The following SYN2 variants were observed in gnomAD, a reference collection of about 807,000 sequenced individuals.
SYN2 encodes the protein synapsin II, also known as synapsin-2.
Under a neutral mutation model 50.9 loss-of-function variants are expected in SYN2, and 19 were observed. That is an observed-to-expected ratio of 0.37 (90% confidence interval 0.26 to 0.55). The LOEUF (loss-of-function observed/expected upper bound fraction) is 0.55. Ranked by LOEUF, SYN2 falls within the 20% of genes least tolerant of loss-of-function variation. The probability of loss-of-function intolerance (pLI) is 0.81; values close to 1 mark genes in which losing one functional copy is unlikely to be tolerated. For synonymous variants in SYN2, 255 were observed against 224.9 expected, an observed-to-expected ratio of 1.13 and a Z score of -1.20; for missense variants, 587 against 576.4, an observed-to-expected ratio of 1.02 and a Z score of -0.19.
chr3:12,148,020 G>A (rs1185553659), intron 4 of SYN2, among the ~76,000 whole-genome samples: 3 of 152,038 alleles, frequency 2.0e-5, no homozygotes, highest in Non-Finnish European at 2.9e-5. Context: ...TGGCTGAGGC[G>A]GGAGAATGGC....
intron 1 of SYN2, chr3:12,070,456 G>A (rs1240125605): frequency 6.9e-6 from 4 of 576,966 alleles, no homozygotes; most frequent in Non-Finnish European, 1.0e-5. Context: ...ATTGAGCGTG[G>A]CATCGTCATC....
At chr3:12,163,241 C>CAAAAAAAAAA (rs11404808) in intron 7 of SYN2, among the ~76,000 whole-genome samples, 20 of 122,562 alleles carry the variant, frequency 1.6e-4, no homozygotes, top group African/African-American at 6.0e-4. Flanking sequence ...GACTCTGTCT[C>CAAAAAAAAAA]AAAAAAAAAA....
chr3:12,040,598 A>G (rs559402191), intron 1 of SYN2, among the ~76,000 whole-genome samples: 80 of 151,916 alleles, frequency 5.3e-4, no homozygotes, highest in African/African-American at 1.4e-3. Context: ...ACACCCGGCT[A>G]ATTTTTTGTA....
intron 10 of SYN2, among the ~76,000 whole-genome samples, chr3:12,176,714 CTA>C (rs1459346935): frequency 5.9e-5 from 9 of 152,166 alleles, no homozygotes; most frequent in Non-Finnish European, 8.8e-5. Context: ...TTTGGCAAAT[CTA>C]TGTTATGAGT....
intron 1 of SYN2, among the ~76,000 whole-genome samples, chr3:12,060,241 G>GA (rs1188301241): frequency 6.6e-6 from 1 of 152,142 alleles, no homozygotes; most frequent in Non-Finnish European, 1.5e-5. Context: ...TTACTTTTAG[G>GA]AACCCCACAG....
At chr3:12,038,735 A>G (rs1186584466) in intron 1 of SYN2, among the ~76,000 whole-genome samples, 1 of 152,118 alleles carries the variant, frequency 6.6e-6, no homozygotes, top group Non-Finnish European at 1.5e-5. Context: ...TAGAAATACA[A>G]TTGATTTTTG....
Position 12,141,928 on chromosome 3 carries a change from G to A in SYN2, c.459G>A (p.Leu153=), listed in dbSNP as rs1697027547. The change falls in exon 3 of 13, where the codon CTG becomes CTA. Residue 153 remains leucine (L), a synonymous_variant. Coordinates refer to ENST00000621198, the MANE Select transcript of SYN2 (RefSeq NM_133625.6). ...VEQAEFSELN[L]VAHADGTYAV... ...AGGCAGAATTTTCAGAGCTCAACCT[G>A]GTGGCCCATGCAGATGGCACCTATG... 1 of 780,700 alleles carries A rather than the reference G, an allele frequency of 1.3e-6. No homozygotes were observed. Among genetic ancestry groups the A allele is most frequent in the African/African-American group, 1.7e-5 (1 of 59,128 alleles). 48.4% of individuals were successfully genotyped at this position (780,700 alleles called of 1,614,324 possible). A position where few individuals can be genotyped will look rare whatever the true frequency, so the allele number is the denominator to read the frequency against.
chr3:12,081,446 A>G (rs1032085024), intron 1 of SYN2, among the ~76,000 whole-genome samples: 3 of 151,938 alleles, frequency 2.0e-5, no homozygotes, highest in African/African-American at 7.3e-5. Context: ...CTCATTTTAG[A>G]TATTTGAGCT....
At chr3:12,008,452 GATC>G (rs1693846199) in intron 1 of SYN2, among the ~76,000 whole-genome samples, 1 of 152,158 alleles carries the variant, frequency 6.6e-6, no homozygotes, top group Non-Finnish European at 1.5e-5. Context: ...AGGGCCTTTG[GATC>G]AACAGCATTG....
In SYN2 at chr3:12,117,340, A is replaced by C. The variant is rs143480297; in HGVS notation, c.378-23311A>C. Among the ~76,000 whole-genome samples the C allele has an allele frequency of 3.2e-3, 493 of 152,286 alleles. 2 individuals carry two copies. The highest frequency in any genetic ancestry group is 0.011 in the African/African-American group (467 of 41,556). On this transcript the variant is annotated intron_variant, in intron 1 of 12. Transcript: ENST00000621198. ...AGTGATCTCTACTGAATCATTCAGC[A>C]TTTACGTTTTGAGTGACAACTTTCT...
At position 12,158,670 on chromosome 3, in the gene SYN2, C is replaced by T. The variant is rs565254389; in HGVS notation, c.775-2876C>T. 7 of 1,607,718 alleles carry T rather than the reference C, an allele frequency of 4.4e-6. No individual in the cohort carries two copies. The East Asian group carries it at 8.9e-5, about 21-fold the overall frequency. On this transcript the variant is annotated intron_variant, in intron 5 of 12. Coordinates refer to ENST00000621198, the MANE Select transcript of SYN2 (RefSeq NM_133625.6). ...AGATACTAATCCCCCACAACCACCC[C>T]CTGCTGTGGACCTCGCGGACCTCGG... is the stretch of plus-strand genomic sequence containing the variant.
intron 1 of SYN2, among the ~76,000 whole-genome samples, chr3:12,084,393 C>G (rs563425410): frequency 7.9e-5 from 12 of 152,188 alleles, no homozygotes; most frequent in African/African-American, 2.6e-4. Context: ...GACAGTGGCT[C>G]AGATAATAAT....
At chr3:12,038,847 A>G (rs866033925) in intron 1 of SYN2, among the ~76,000 whole-genome samples, 3 of 152,146 alleles carry the variant, frequency 2.0e-5, no homozygotes, top group Admixed American at 2.0e-4. Context: ...TATGTATAAG[A>G]TCATCTGCAA....
chr3:12,136,519 A>T (rs78567438), intron 1 of SYN2, among the ~76,000 whole-genome samples: 6,913 of 152,236 alleles, frequency 0.045, 225 homozygotes, highest in Middle Eastern at 0.1. Context: ...TTTCTCCATT[A>T]TCCAATGCAT....
intron 1 of SYN2, among the ~76,000 whole-genome samples, chr3:12,105,601 AAGG>A (rs1446575953): frequency 6.6e-6 from 1 of 151,432 alleles, no homozygotes; most frequent in South Asian, 2.1e-4. Flanking sequence ...CTTTGTAAAG[AAGG>A]AGAACATCAG....
intron 1 of SYN2, among the ~76,000 whole-genome samples, chr3:12,069,664 A>G (rs1054883290): frequency 6.6e-6 from 1 of 151,996 alleles, no homozygotes; most frequent in Admixed American, 6.5e-5. Context: ...AAGTGTACCC[A>G]TTTTACATTT....
At chr3:12,028,240 G>A (rs1041847485) in intron 1 of SYN2, among the ~76,000 whole-genome samples, 61 of 152,064 alleles carry the variant, frequency 4.0e-4, no homozygotes, top group African/African-American at 1.4e-3. Context: ...ATTCCATGGT[G>A]TATATGTGCC....
intron 1 of SYN2, among the ~76,000 whole-genome samples, chr3:12,108,323 C>A (rs1281542122): frequency 6.6e-6 from 1 of 152,176 alleles, no homozygotes; most frequent in Non-Finnish European, 1.5e-5. Flanking sequence ...AAGAGTTGCC[C>A]AGTATAGTGA....
intron 1 of SYN2, among the ~76,000 whole-genome samples, chr3:12,136,900 G>T (rs1362981787): frequency 6.6e-6 from 1 of 152,106 alleles, no homozygotes; most frequent in Non-Finnish European, 1.5e-5. Context: ...TTCTGTTTAG[G>T]ATTGAGCACA....
Sources: gnomAD v4.1 joint callset for allele counts (sites outside exome capture counted in the v4.1 genomes callset) on GRCh38, gnomAD v4.1.1 for gene constraint, MANE v1.5 for transcripts, NCBI Gene and HGNC (gene_info 2026-07-23, HGNC 2026-07-21) for gene names.